TNFRSF21: variants seen among roughly 807,000 people sequenced by gnomAD.
TNFRSF21 encodes tumor necrosis factor receptor superfamily member 21.
A neutral mutation model predicts 45.6 loss-of-function variants in TNFRSF21; 19 were observed. That is an observed-to-expected ratio of 0.42 (90% CI 0.29 to 0.61). The LOEUF is 0.61. Among genes scored for constraint, TNFRSF21 ranks in the 20% least tolerant of loss-of-function variants. The probability of loss-of-function intolerance (pLI) is 0.23; values close to 1 mark genes in which losing one functional copy is unlikely to be tolerated. For synonymous variants in TNFRSF21, 314 were observed against 335.5 expected (o/e 0.94, Z 0.70); for missense variants, 737 against 851.5 (o/e 0.87, Z 1.67).
Position 47,253,428 on chromosome 6 carries a change from G to A in TNFRSF21, c.1337C>T (p.Ala446Val). Residue 446 changes from alanine to valine, a missense_variant, in exon 4 of 6, where the codon GCT becomes GTT. Coordinates refer to ENST00000296861, the MANE Select transcript of TNFRSF21 (RefSeq NM_014452.5). The stretch of plus-strand genomic sequence containing the variant: ...GGCTGTGTACCCATTGGAGAAAGCA[G>A]CAACCTCCCTCTCACTGGCATTGCA... The part of the protein sequence containing the change: ...FLCNASEREV[A>V]AFSNGYTADH... 2 of 1,614,150 alleles carry A rather than the reference G, an allele frequency of 1.2e-6. No individual in the cohort carries two copies. Among genetic ancestry groups the A allele is most frequent in the East Asian group, 2.2e-5 (1 of 44,884 alleles).
chr6:47,309,229 TCCC>T (rs1762982221), intron 1 of TNFRSF21, among the ~76,000 whole-genome samples, 184 bp downstream of exon 1: 1 of 152,178 alleles, frequency 6.6e-6, no homozygotes, highest in Admixed American at 6.5e-5. Flanking sequence ...GCCCTGAGAT[TCCC>T]CCAAATAACC....
At chr6:47,238,504 A>C (rs1219299978) in intron 4 of TNFRSF21, among the ~76,000 whole-genome samples, 1 of 152,260 alleles carries the variant, frequency 6.6e-6, no homozygotes, top group Non-Finnish European at 1.5e-5. Context: ...AAAGCAGCCC[A>C]AAAGAGAACA....
intron 3 of TNFRSF21, among the ~76,000 whole-genome samples, chr6:47,271,963 T>G (rs1355912041): frequency 1.3e-5 from 2 of 152,168 alleles, no homozygotes; most frequent in Non-Finnish European, 2.9e-5. Context: ...CAAGAAAAGC[T>G]AACTATCCTT....
At chr6:47,302,021 T>C (rs1762870726) in intron 1 of TNFRSF21, among the ~76,000 whole-genome samples, 2 of 152,156 alleles carry the variant, frequency 1.3e-5, no homozygotes, top group South Asian at 4.1e-4. Context: ...AATCAAACAA[T>C]GGTCTTGTCC....
intron 3 of TNFRSF21, among the ~76,000 whole-genome samples, chr6:47,276,507 A>G (rs965546183): frequency 2.0e-5 from 3 of 152,220 alleles, no homozygotes; most frequent in Admixed American, 6.5e-5. Context: ...AAAGAGAAGA[A>G]GCTGCTAAGA....
chr6:47,253,119 TG>T, intron 4 of TNFRSF21, 136 bp downstream of exon 4: 1 of 1,030,380 alleles, frequency 9.7e-7, no homozygotes, highest in Non-Finnish European at 1.4e-6. Context: ...TGTGTGTGTG[TG>T]CAGGCGTATG....
chr6:47,239,483 T>C (rs753080986), intron 4 of TNFRSF21, among the ~76,000 whole-genome samples: 3 of 152,066 alleles, frequency 2.0e-5, no homozygotes, highest in Admixed American at 6.5e-5. Flanking sequence ...ATTTTATTCA[T>C]GACAAGGGTG....
At chr6:47,307,917 AATG>A (rs1373960037) in intron 1 of TNFRSF21, among the ~76,000 whole-genome samples, 3 of 152,122 alleles carry the variant, frequency 2.0e-5, no homozygotes, top group Admixed American at 1.3e-4. Flanking sequence ...TGAAAAAGGA[AATG>A]ATGATAGTTC....
chr6:47,273,844 AAC>A (rs1241192831), intron 3 of TNFRSF21, among the ~76,000 whole-genome samples: 1 of 152,212 alleles, frequency 6.6e-6, no homozygotes, highest in African/African-American at 2.4e-5. Flanking sequence ...ATACACCATT[AAC>A]AGACAAATGA....
At chr6:47,266,538 C>T (rs1762335083) in intron 3 of TNFRSF21, among the ~76,000 whole-genome samples, 1 of 152,102 alleles carries the variant, frequency 6.6e-6, no homozygotes, top group South Asian at 2.1e-4. Context: ...AATAAATATG[C>T]TAAGCAAATT....
chr6:47,245,021 T>C (rs554889710), intron 4 of TNFRSF21, among the ~76,000 whole-genome samples: 5 of 152,344 alleles, frequency 3.3e-5, no homozygotes, highest in African/African-American at 9.6e-5. Flanking sequence ...TGGTAATTGA[T>C]GGAGAAAATA....
chr6:47,289,437 T>C (rs1010391632), intron 1 of TNFRSF21, among the ~76,000 whole-genome samples: 2 of 152,198 alleles, frequency 1.3e-5, no homozygotes, highest in African/African-American at 2.4e-5. Context: ...TATGAGGGTA[T>C]ATTCATTTTT....
At chr6:47,233,103 C>T (rs1379051851) in intron 5 of TNFRSF21, 109 bp from the exon 6 acceptor site, 1 of 913,806 alleles carries the variant, frequency 1.1e-6, no homozygotes, top group African/African-American at 1.7e-5. Flanking sequence ...TCCCCCCCAG[C>T]CTATTATTCT....
intron 3 of TNFRSF21, among the ~76,000 whole-genome samples, chr6:47,271,313 C>G (rs1762415398): frequency 6.6e-6 from 1 of 152,226 alleles, no homozygotes; most frequent in South Asian, 2.1e-4. Context: ...AACAGTGGAT[C>G]TTTTGGCAGA....
intron 3 of TNFRSF21, among the ~76,000 whole-genome samples, chr6:47,271,994 A>G (rs1016020521): frequency 1.2e-4 from 18 of 152,228 alleles, no homozygotes; most frequent in Non-Finnish European, 2.6e-4. Context: ...CACCAAATAC[A>G]GGAGCACCCA....
In TNFRSF21 at chr6:47,309,369, C is replaced by T. The variant is rs1054389550; in HGVS notation, c.96+47G>A. The T allele has an allele frequency of 7.3e-6, 11 of 1,510,850 alleles. No individual in the cohort carries two copies. In the African/African-American group the frequency reaches 1.4e-4, roughly 20 times the overall value. 93.6% of individuals were successfully genotyped at this position (1,510,850 alleles called of 1,614,324 possible). A position where few individuals can be genotyped will look rare whatever the true frequency, so the allele number is the denominator to read the frequency against. On this transcript the variant is annotated intron_variant, in intron 1 of 5. Transcript: ENST00000296861. ...CCGCCCGGCTCCCGGAGAGCGGTTC[C>T]TTCTGCTCCGGCGCCGCCGCCACCC... is the stretch of plus-strand genomic sequence containing the variant.
intron 1 of TNFRSF21, among the ~76,000 whole-genome samples, chr6:47,301,332 G>A (rs1762862463): frequency 6.6e-6 from 1 of 152,154 alleles, no homozygotes; most frequent in African/African-American, 2.4e-5. Flanking sequence ...AACAATATTA[G>A]CCCTGAGCTT....
chr6:47,306,374 A>G (rs951688987), intron 1 of TNFRSF21, among the ~76,000 whole-genome samples: 2 of 152,200 alleles, frequency 1.3e-5, no homozygotes, highest in Non-Finnish European at 2.9e-5. Flanking sequence ...TGAAACACGC[A>G]GTGTGGCACA....
At chr6:47,301,231 T>C (rs1212658464) in intron 1 of TNFRSF21, among the ~76,000 whole-genome samples, 1 of 152,210 alleles carries the variant, frequency 6.6e-6, no homozygotes, top group Non-Finnish European at 1.5e-5. Context: ...CTTCTGAAAC[T>C]CATTAATCAT....
Sources: allele counts gnomAD v4.1 joint callset (sites outside exome capture counted in the v4.1 genomes callset), GRCh38; gene constraint gnomAD v4.1.1; transcripts MANE v1.5; gene names NCBI Gene and HGNC (gene_info 2026-07-23, HGNC 2026-07-21).